Variants in SND1 observed in about 807,000 individuals in gnomAD.
SND1 encodes the protein staphylococcal nuclease domain-containing protein 1.
SND1 carries 38 observed loss-of-function variants against 121.7 expected under a neutral mutation model. That is an observed-to-expected ratio of 0.31 (90% CI 0.24 to 0.41). The LOEUF is 0.41. SND1 is among the 10% of genes least tolerant of loss of function. The pLI is 1.00. For synonymous variants in SND1, 401 were observed against 447.4 expected (o/e 0.90, Z 1.31); for missense variants, 868 against 1,184.6 (o/e 0.73, Z 3.92).
chr7:127,909,012 A>G (rs1412383366), intron 14 of SND1, among the ~76,000 whole-genome samples: 1 of 152,084 alleles, frequency 6.6e-6, no homozygotes, highest in Non-Finnish European at 1.5e-5. Flanking sequence ...TTTACCATTT[A>G]CCTTTACCTC....
intron 16 of SND1, among the ~76,000 whole-genome samples, chr7:128,000,902 G>A (rs185959336): frequency 2.6e-5 from 4 of 152,230 alleles, no homozygotes; most frequent in Admixed American, 1.3e-4. Flanking sequence ...TAATACTAAC[G>A]TTGTGGTGTT....
intron 15 of SND1, among the ~76,000 whole-genome samples, chr7:127,936,535 CT>C (rs1283562658): frequency 6.6e-6 from 1 of 152,030 alleles, no homozygotes; most frequent in African/African-American, 2.4e-5. Flanking sequence ...TTTTTACTTT[CT>C]TTTTCTTTTT....
At chr7:127,874,859 G>A (rs1488926055) in intron 12 of SND1, among the ~76,000 whole-genome samples, 1 of 151,938 alleles carries the variant, frequency 6.6e-6, no homozygotes, top group Non-Finnish European at 1.5e-5. Flanking sequence ...TACAATATGT[G>A]GATAGATTAT....
chr7:127,694,737 A>C lies in SND1; in HGVS notation c.229-91A>C. On this transcript the variant is annotated intron_variant, in intron 2 of 23. Coordinates refer to ENST00000354725, the MANE Select transcript of SND1 (RefSeq NM_014390.4). ...AGGGCCAGGACCATGGTAGGTACTC[A>C]GACATTTACTGAAGGTATGAAGTTG... The C allele has an allele frequency of 6.7e-6, 10 of 1,486,710 alleles. No individual in the cohort carries two copies. The South Asian group carries it at 1.1e-4, about 16-fold the overall frequency. The allele number at this position is 1,486,710 out of a possible 1,614,324, so 92.1% of individuals were successfully genotyped here.
chr7:127,915,357 A>C (rs903750968), intron 14 of SND1, among the ~76,000 whole-genome samples: 2 of 152,176 alleles, frequency 1.3e-5, no homozygotes, highest in African/African-American at 4.8e-5. Flanking sequence ...TATCATCCTC[A>C]GTAATATTTA....
chr7:127,844,178 A>G (rs1799015152), intron 11 of SND1, 146 bp from the exon 12 acceptor site: 3 of 480,886 alleles, frequency 6.2e-6, no homozygotes, highest in Non-Finnish European at 1.1e-5. Context: ...TTGCTCAGCT[A>G]TTTCTTTTAA....
chr7:127,808,849 T>G (rs1798286787), intron 11 of SND1, among the ~76,000 whole-genome samples: 1 of 152,258 alleles, frequency 6.6e-6, no homozygotes, highest in South Asian at 2.1e-4. Context: ...TTTCGCTCAT[T>G]TACTGGCTTA....
chr7:127,989,080 G>A (rs901993394), intron 15 of SND1, among the ~76,000 whole-genome samples: 3 of 152,224 alleles, frequency 2.0e-5, no homozygotes, highest in African/African-American at 7.2e-5. Flanking sequence ...ATCTCTCCCT[G>A]TAGGGTTAAT....
At chr7:128,080,101 T>G (rs527917032) in intron 17 of SND1, among the ~76,000 whole-genome samples, 1 of 152,380 alleles carries the variant, frequency 6.6e-6, no homozygotes, top group African/African-American at 2.4e-5. Flanking sequence ...GGAGAATGTT[T>G]AGAATGGTAC....
intron 11 of SND1, among the ~76,000 whole-genome samples, chr7:127,827,051 G>A (rs918307020): frequency 2.0e-5 from 3 of 152,252 alleles, no homozygotes; most frequent in African/African-American, 7.2e-5. Flanking sequence ...TACCTTTTAC[G>A]TGGTTTCCTA....
At position 127,793,627 on chromosome 7, in the gene SND1, T is replaced by C. The variant is rs138317086; in HGVS notation, c.1153-13857T>C. On this transcript the variant is annotated intron_variant, in intron 10 of 23. Transcript: ENST00000354725. ...TGTTAAACAGGCACCATTTCAGTTA[T>C]TTTATGGCTGGAAGGACAAGGGTAT... is the stretch of plus-strand genomic sequence containing the variant. 3.9e-5 allele frequency among the ~76,000 whole-genome samples: 6 copies of C among 152,284 alleles called. No individual in the cohort carries two copies. The East Asian group carries it at 1.2e-3, about 29-fold the overall frequency.
At chr7:127,990,821 CAG>C in intron 15 of SND1, 124 bp from the exon 16 acceptor site, 1 of 649,306 alleles carries the variant, frequency 1.5e-6, no homozygotes, top group South Asian at 1.9e-5. Context: ...GTCTTCGTCT[CAG>C]ATAGAATGGA....
At chr7:127,802,657 C>T (rs983870439) in intron 10 of SND1, among the ~76,000 whole-genome samples, 1 of 152,164 alleles carries the variant, frequency 6.6e-6, no homozygotes, top group African/African-American at 2.4e-5. Context: ...GCCAACAACT[C>T]CCAAACGTAT....
At chr7:127,812,159 A>T (rs1447749570) in intron 11 of SND1, among the ~76,000 whole-genome samples, 1 of 152,198 alleles carries the variant, frequency 6.6e-6, no homozygotes, top group African/African-American at 2.4e-5. Flanking sequence ...AGAAATGTTT[A>T]CTTCTCTGTT....
intron 15 of SND1, among the ~76,000 whole-genome samples, chr7:127,985,909 G>A (rs912779185): frequency 6.6e-6 from 1 of 152,204 alleles, no homozygotes; most frequent in Admixed American, 6.5e-5. Flanking sequence ...AGACACCGTT[G>A]ACTAATCCTT....
chr7:127,672,068 C>G (rs1253188329), intron 1 of SND1, among the ~76,000 whole-genome samples: 2 of 152,150 alleles, frequency 1.3e-5, no homozygotes, highest in African/African-American at 4.8e-5. Flanking sequence ...ATAACAGTAA[C>G]AGTGCTGAGA....
chr7:127,838,673 G>T (rs181547057), intron 11 of SND1, among the ~76,000 whole-genome samples: 1 of 152,276 alleles, frequency 6.6e-6, no homozygotes, highest in African/African-American at 2.4e-5. Context: ...GGATGAATAT[G>T]TATGAAGTAC....
chr7:127,921,198 GTGTCCTCTTTA>G (rs1800699038), intron 14 of SND1, among the ~76,000 whole-genome samples: 1 of 152,156 alleles, frequency 6.6e-6, no homozygotes. Context: ...TGAACAAAAT[GTGTCCTCTTTA>G]TGGCCTGTGA....
At chr7:127,998,294 T>C (rs1174814553) in intron 16 of SND1, 4 of 244,928 alleles carry the variant, frequency 1.6e-5, no homozygotes, top group Non-Finnish European at 3.3e-5. Flanking sequence ...CAGCTTATCA[T>C]TGAAAAAGTC....
Sources: gnomAD v4.1 joint callset for allele counts (sites outside exome capture counted in the v4.1 genomes callset) on GRCh38, gnomAD v4.1.1 for gene constraint, MANE v1.5 for transcripts, NCBI Gene and HGNC (gene_info 2026-07-23, HGNC 2026-07-21) for gene names.